TDRD5: variants seen among roughly 807,000 people sequenced by gnomAD.
The protein encoded by TDRD5 is tudor domain-containing protein 5.
Under a neutral mutation model 120.6 loss-of-function variants are expected in TDRD5, and 41 were observed. The observed-to-expected ratio is 0.34, with a 90% confidence interval of 0.26 to 0.44. TDRD5 has a LOEUF of 0.44. Among genes scored for constraint, TDRD5 ranks in the 20% least tolerant of loss-of-function variants. The probability of loss-of-function intolerance (pLI) is 1.00; values close to 1 mark genes in which losing one functional copy is unlikely to be tolerated. For missense variants in TDRD5, 1,006 were observed against 1,221.2 expected, an observed-to-expected ratio of 0.82 and a Z score of 2.63; for synonymous variants, 430 against 433.7, an observed-to-expected ratio of 0.99 and a Z score of 0.11.
At chr1:179,593,990 C>T (rs1185848302) in intron 3 of TDRD5, 123 bp downstream of exon 3, 15 of 1,246,044 alleles carry the variant, frequency 1.2e-5, no homozygotes, top group East Asian at 2.5e-5. Context: ...TGGTCTCAGG[C>T]GAACTGTTCA....
rs536753108 is a variant in TDRD5, at chr1:179,659,719, C to T, written c.2323-2385C>T. ...ATTTATTTAATTTATTTTTTTGAGA[C>T]GGAGTTTTGCTCTTGTTTCCCAGGC... On this transcript the variant is annotated intron_variant, in intron 14 of 17. Transcript: ENST00000444136. Among the ~76,000 whole-genome samples, 190 of 151,924 alleles carry T rather than the reference C, an allele frequency of 1.3e-3. 1 individual carries two copies. The highest frequency in any genetic ancestry group is 2.1e-3 in the Non-Finnish European group (145 of 67,962).
intron 3 of TDRD5, 152 bp downstream of exon 3, chr1:179,594,019 T>G: frequency 2.1e-6 from 2 of 973,642 alleles, no homozygotes; most frequent in South Asian, 2.1e-5. Context: ...AAGCCTTAGT[T>G]TTCCTCATCT....
intron 17 of TDRD5, among the ~76,000 whole-genome samples, chr1:179,683,424 TC>T (rs1217950483): frequency 2.6e-5 from 4 of 152,190 alleles, no homozygotes; most frequent in African/African-American, 7.2e-5. Flanking sequence ...ACCTAAGACT[TC>T]CTGTAAAATC....
intron 6 of TDRD5, among the ~76,000 whole-genome samples, chr1:179,629,476 A>G (rs769744897): frequency 6.6e-6 from 1 of 152,234 alleles, no homozygotes; most frequent in Non-Finnish European, 1.5e-5. Flanking sequence ...GCATGCAAAG[A>G]ATGAAGATAG....
intron 17 of TDRD5, among the ~76,000 whole-genome samples, chr1:179,681,541 C>G (rs963840233): frequency 5.9e-5 from 9 of 152,080 alleles, no homozygotes; most frequent in African/African-American, 2.2e-4. Context: ...CAGTGTTCTT[C>G]ATTCCAGTGT....
chr1:179,685,748 G>C (rs1442776859), intron 17 of TDRD5, among the ~76,000 whole-genome samples: 2 of 152,096 alleles, frequency 1.3e-5, no homozygotes, highest in African/African-American at 4.8e-5. Context: ...TCCTTGAAGA[G>C]GTCCTTCACA....
At chr1:179,661,620 G>C (rs1472074793) in intron 14 of TDRD5, among the ~76,000 whole-genome samples, 1 of 152,172 alleles carries the variant, frequency 6.6e-6, no homozygotes, top group Admixed American at 6.5e-5. Flanking sequence ...AGATAGAAGA[G>C]ATGTAGTTGC....
At chr1:179,680,246 C>G (rs1301346660) in intron 17 of TDRD5, among the ~76,000 whole-genome samples, 2 of 151,984 alleles carry the variant, frequency 1.3e-5, no homozygotes, top group East Asian at 1.9e-4. Flanking sequence ...AATGCTTTAC[C>G]TGTACTTTAG....
At chr1:179,635,246 C>T (rs1354044572) in intron 8 of TDRD5, among the ~76,000 whole-genome samples, 1 of 152,098 alleles carries the variant, frequency 6.6e-6, no homozygotes, top group Non-Finnish European at 1.5e-5. Flanking sequence ...TTTGAGAAAT[C>T]CTGCTTTTGA....
intron 11 of TDRD5, among the ~76,000 whole-genome samples, chr1:179,650,400 C>CAAAA (rs35053562): frequency 2.2e-5 from 2 of 90,960 alleles, no homozygotes; most frequent in African/African-American, 4.4e-5. Context: ...GACTCTGTCT[C>CAAAA]AAAAAAAAAA....
intron 4 of TDRD5, among the ~76,000 whole-genome samples, chr1:179,615,952 T>C (rs1438488580): frequency 6.6e-6 from 1 of 152,146 alleles, no homozygotes; most frequent in Non-Finnish European, 1.5e-5. Flanking sequence ...CTTATAGCAC[T>C]AGGGCAGCCA....
Position 179,618,549 on chromosome 1 carries a change from T to A in TDRD5, c.832-50T>A, listed in dbSNP as rs562225361. 5.0e-5 allele frequency: 71 copies of A among 1,431,986 alleles called. No homozygotes were observed. The South Asian group carries it at 9.1e-4, about 18-fold the overall frequency. The allele number at this position is 1,431,986 out of a possible 1,614,324, so 88.7% of individuals were successfully genotyped here. ...ATATTGCTTAGATCTACCTTTGACT[T>A]TCTTTGGTCAGGGGGACTGTGACTT... On this transcript the variant is annotated intron_variant, in intron 4 of 17. Coordinates refer to ENST00000444136, the MANE Select transcript of TDRD5 (RefSeq NM_001199085.3).
chr1:179,623,027 A>G (rs916488878), intron 6 of TDRD5, among the ~76,000 whole-genome samples: 3 of 152,200 alleles, frequency 2.0e-5, no homozygotes, highest in African/African-American at 7.2e-5. Flanking sequence ...ATACAGGAGA[A>G]CAGTGATACA....
At chr1:179,620,236 T>G (rs1471193187) in intron 5 of TDRD5, among the ~76,000 whole-genome samples, 1 of 152,176 alleles carries the variant, frequency 6.6e-6, no homozygotes, top group Non-Finnish European at 1.5e-5. Context: ...AATTTTTACT[T>G]TAGATTTTTC....
At chr1:179,635,356 A>T (rs1677706764) in intron 8 of TDRD5, among the ~76,000 whole-genome samples, 1 of 152,218 alleles carries the variant, frequency 6.6e-6, no homozygotes, top group Admixed American at 6.5e-5. Context: ...TGTTTGAAGT[A>T]TCATATTTTC....
chr1:179,655,227 C>G (rs1369798282), intron 14 of TDRD5, among the ~76,000 whole-genome samples: 1 of 152,136 alleles, frequency 6.6e-6, no homozygotes, highest in Non-Finnish European at 1.5e-5. Flanking sequence ...GGGCTTAGTT[C>G]TCTTTCATCG....
intron 4 of TDRD5, among the ~76,000 whole-genome samples, chr1:179,606,825 C>T (rs1676007792): frequency 5.9e-5 from 9 of 152,080 alleles, no homozygotes. Context: ...TCACCAGTAC[C>T]ACACTATTTG....
chr1:179,614,133 A>G (rs188916292), intron 4 of TDRD5, among the ~76,000 whole-genome samples: 1 of 152,344 alleles, frequency 6.6e-6, no homozygotes, highest in East Asian at 1.9e-4. Context: ...CTTGAAATAC[A>G]GAAAAGCACA....
In TDRD5 at chr1:179,654,263, G is replaced by A; in HGVS notation, c.2223G>A (p.Lys741=). 6.5e-7 allele frequency: 1 copy of A among 1,549,692 alleles called. No individual in the cohort carries two copies. Among genetic ancestry groups the A allele is most frequent in the Non-Finnish European group, 8.7e-7 (1 of 1,146,484 alleles). The stretch of plus-strand genomic sequence containing the variant: ...AATCTGAGTCAAAGGAGCCATTAAA[G>A]GATTCTGAATTTGAGTCTTTGAAAA... ...HLKSESKEPL[K]DSEFESLKTC... Residue 741 remains lysine (K), a synonymous_variant, in exon 14 of 18, where the codon AAG becomes AAA. Coordinates refer to ENST00000444136, the MANE Select transcript of TDRD5 (RefSeq NM_001199085.3).
Sources: gnomAD v4.1 joint callset for allele counts (sites outside exome capture counted in the v4.1 genomes callset) on GRCh38, gnomAD v4.1.1 for gene constraint, MANE v1.5 for transcripts, NCBI Gene and HGNC (gene_info 2026-07-23, HGNC 2026-07-21) for gene names.